The following COL26A1 variants were observed in gnomAD, a reference collection of about 807,000 sequenced individuals.
COL26A1 encodes the protein collagen alpha-1(XXVI) chain.
A neutral mutation model predicts 59.3 loss-of-function variants in COL26A1; 41 were observed. The observed-to-expected ratio is 0.69, with a 90% confidence interval of 0.54 to 0.90. The LOEUF (loss-of-function observed/expected upper bound fraction) is 0.90, where lower values mean the gene tolerates loss of function less well. COL26A1 is among the 40% of genes least tolerant of loss of function. The pLI is 0.00. For missense variants in COL26A1, 612 were observed against 602.3 expected (o/e 1.02, Z -0.17); for synonymous variants, 266 against 256.0 (o/e 1.04, Z -0.37).
intron 3 of COL26A1, among the ~76,000 whole-genome samples, chr7:101,499,101 C>G (rs187425153): frequency 1.3e-5 from 2 of 152,300 alleles, no homozygotes; most frequent in Non-Finnish European, 2.9e-5. Context: ...GGAAGGTCGG[C>G]TGGGGAGGGG....
intron 3 of COL26A1, among the ~76,000 whole-genome samples, chr7:101,455,519 TTG>T: frequency 1.3e-5 from 2 of 149,264 alleles, no homozygotes; most frequent in African/African-American, 2.5e-5. Context: ...TTTTTTTTTT[TTG>T]AGACTGAGTT....
At chr7:101,533,538 G>T (rs1795414646) in intron 4 of COL26A1, among the ~76,000 whole-genome samples, 1 of 152,182 alleles carries the variant, frequency 6.6e-6, no homozygotes, top group Non-Finnish European at 1.5e-5. Flanking sequence ...AGGAACTGCT[G>T]GGAAGTGACC....
intron 2 of COL26A1, among the ~76,000 whole-genome samples, chr7:101,435,893 C>G (rs1472402509): frequency 6.6e-6 from 1 of 152,204 alleles, no homozygotes; most frequent in Non-Finnish European, 1.5e-5. Flanking sequence ...CTCTGCCAGA[C>G]GGCCCCCTGC....
chr7:101,367,856 C>T (rs940572414), intron 1 of COL26A1, among the ~76,000 whole-genome samples: 1 of 152,156 alleles, frequency 6.6e-6, no homozygotes, highest in Non-Finnish European at 1.5e-5. Context: ...ATGTCTGCTA[C>T]TTAAGCCATT....
intron 3 of COL26A1, among the ~76,000 whole-genome samples, chr7:101,492,893 C>A (rs993216957): frequency 1.3e-5 from 2 of 151,758 alleles, no homozygotes; most frequent in African/African-American, 4.8e-5. Flanking sequence ...GCGTGCACCA[C>A]CACGCCCAGC....
At chr7:101,371,397 C>T (rs1791187973) in intron 1 of COL26A1, among the ~76,000 whole-genome samples, 1 of 152,076 alleles carries the variant, frequency 6.6e-6, no homozygotes, top group African/African-American at 2.4e-5. Context: ...GCCTTTAATC[C>T]CAGCACTTTG....
intron 3 of COL26A1, among the ~76,000 whole-genome samples, chr7:101,493,675 C>G (rs1794516961): frequency 6.7e-6 from 1 of 149,486 alleles, no homozygotes; most frequent in African/African-American, 2.5e-5. Flanking sequence ...GTAATCCTGG[C>G]ACTTTGGGAG....
At chr7:101,518,730 T>C (rs895941815) in intron 3 of COL26A1, among the ~76,000 whole-genome samples, 1 of 152,212 alleles carries the variant, frequency 6.6e-6, no homozygotes, top group Admixed American at 6.5e-5. Context: ...ACATGTACAG[T>C]GATGTTCCCC....
chr7:101,472,250 C>A (rs1166932502), intron 3 of COL26A1, among the ~76,000 whole-genome samples: 2 of 152,148 alleles, frequency 1.3e-5, no homozygotes, highest in Non-Finnish European at 2.9e-5. Context: ...AAGCAATCTG[C>A]CGACCTTGGC....
At chr7:101,497,125 C>T (rs945543757) in intron 3 of COL26A1, among the ~76,000 whole-genome samples, 2 of 152,006 alleles carry the variant, frequency 1.3e-5, no homozygotes, top group African/African-American at 4.8e-5. Context: ...GTAGTCCCAG[C>T]TACTTGGGAG....
At chr7:101,508,964 C>A (rs1794866938) in intron 3 of COL26A1, among the ~76,000 whole-genome samples, 7 of 152,078 alleles carry the variant, frequency 4.6e-5, no homozygotes. Flanking sequence ...ATGATCGTAC[C>A]ACTGCACTCT....
upstream of COL26A1, chr7:101,362,868 C>T: frequency 1.6e-6 from 1 of 641,576 alleles, no homozygotes; most frequent in Admixed American, 3.7e-5. Flanking sequence ...CCCGGAGAGG[C>T]GTGGGCGCCC....
chr7:101,418,378 C>T (rs925418274), intron 1 of COL26A1, among the ~76,000 whole-genome samples: 1 of 152,124 alleles, frequency 6.6e-6, no homozygotes, highest in African/African-American at 2.4e-5. Flanking sequence ...TCAATGTGGG[C>T]CCATCTACTT....
chr7:101,520,662 A>ACACACACC (rs915256077), intron 3 of COL26A1, among the ~76,000 whole-genome samples: 63 of 143,352 alleles, frequency 4.4e-4, no homozygotes, highest in African/African-American at 1.5e-3. Flanking sequence ...ACACACACAC[A>ACACACACC]CCCCCGTGTT....
At chr7:101,373,213 G>A (rs965725633) in intron 1 of COL26A1, among the ~76,000 whole-genome samples, 2 of 152,098 alleles carry the variant, frequency 1.3e-5, no homozygotes, top group Admixed American at 6.6e-5. Flanking sequence ...AGAAGGGAGT[G>A]CTCAGAGCTA....
intron 1 of COL26A1, among the ~76,000 whole-genome samples, chr7:101,377,637 A>G (rs539969223): frequency 6.6e-6 from 1 of 151,788 alleles, no homozygotes; most frequent in East Asian, 2.0e-4. Context: ...ACGTTGCCCA[A>G]GCTGGTCTTG....
intron 1 of COL26A1, among the ~76,000 whole-genome samples, chr7:101,398,318 C>T (rs1289201774): frequency 2.0e-5 from 3 of 152,172 alleles, no homozygotes; most frequent in Non-Finnish European, 4.4e-5. Flanking sequence ...GTCACTTAGC[C>T]AATGTCACCT....
At chr7:101,375,561 G>A (rs1453532781) in intron 1 of COL26A1, among the ~76,000 whole-genome samples, 1 of 151,924 alleles carries the variant, frequency 6.6e-6, no homozygotes, top group East Asian at 1.9e-4. Context: ...TTAGCCAGGT[G>A]TGGTAGGGCA....
intron 1 of COL26A1, among the ~76,000 whole-genome samples, chr7:101,376,489 C>G (rs112260059): frequency 6.6e-5 from 10 of 152,204 alleles, no homozygotes; most frequent in Admixed American, 3.3e-4. Flanking sequence ...CAAAGCAGGT[C>G]TTGTAGGATG....
Sources: allele counts gnomAD v4.1 joint callset (sites outside exome capture counted in the v4.1 genomes callset), GRCh38; gene constraint gnomAD v4.1.1; transcripts MANE v1.5; gene names NCBI Gene and HGNC (gene_info 2026-07-23, HGNC 2026-07-21).